Variants in EBF1 observed in about 807,000 individuals in gnomAD.
The protein encoded by EBF1 is transcription factor COE1.
A neutral mutation model predicts 68.4 loss-of-function variants in EBF1; 10 were observed. The observed-to-expected ratio is 0.15, with a 90% CI of 0.09 to 0.25. EBF1 has a LOEUF of 0.25. Among genes scored for constraint, EBF1 ranks in the 10% least tolerant of loss-of-function variants. The pLI is 1.00. For missense variants in EBF1, 509 were observed against 794.4 expected (o/e 0.64, Z 4.32); for synonymous variants, 298 against 299.8 (o/e 0.99, Z 0.06).
chr5:158,773,168 A>C (rs1286778294), intron 10 of EBF1, among the ~76,000 whole-genome samples: 1 of 152,030 alleles, frequency 6.6e-6, no homozygotes, highest in Non-Finnish European at 1.5e-5. Context: ...AGAAAATAAG[A>C]GGGATAGGGA....
At chr5:158,991,947 C>A (rs1341573227) in intron 6 of EBF1, among the ~76,000 whole-genome samples, 2 of 152,114 alleles carry the variant, frequency 1.3e-5, no homozygotes, top group African/African-American at 2.4e-5. Context: ...AGCTGAACGA[C>A]CTTCAGCAAC....
chr5:159,097,455 GA>G, intron 1 of EBF1: 2 of 337,118 alleles, frequency 5.9e-6, no homozygotes, highest in Non-Finnish European at 1.1e-5. Flanking sequence ...TGGGGAGGAA[GA>G]AAAGTGGCGG....
rs542243068 is a variant in EBF1, at chr5:159,095,222, C to T, written c.411+398G>A. On this transcript the variant is annotated intron_variant, in intron 4 of 15. Coordinates refer to ENST00000313708, the MANE Select transcript of EBF1 (RefSeq NM_024007.5). ...TGCCACCCCTCCTCCGCCCCCTCAG[C>T]CCCTCGCCCCTCTGCTTCCCGGGGA... Among the ~76,000 whole-genome samples, 17 of 152,286 alleles carry T rather than the reference C, an allele frequency of 1.1e-4. 1 individual carries two copies. In the South Asian group the frequency reaches 3.5e-3, roughly 32 times the overall value.
At chr5:158,946,601 T>C (rs1386300837) in intron 6 of EBF1, among the ~76,000 whole-genome samples, 1 of 152,150 alleles carries the variant, frequency 6.6e-6, no homozygotes, top group Non-Finnish European at 1.5e-5. Flanking sequence ...GCCAGAGCTC[T>C]CCTGTATGAC....
chr5:158,785,519 C>A (rs1420431957), intron 9 of EBF1, among the ~76,000 whole-genome samples: 1 of 152,128 alleles, frequency 6.6e-6, no homozygotes, highest in Non-Finnish European at 1.5e-5. Context: ...AACACAGATT[C>A]TTTCATTCCC....
intron 6 of EBF1, among the ~76,000 whole-genome samples, chr5:158,876,154 A>T (rs972263487): frequency 1.3e-5 from 2 of 152,158 alleles, no homozygotes; most frequent in African/African-American, 2.4e-5. Flanking sequence ...CAATAATATA[A>T]AATATAATAA....
chr5:159,065,773 A>G (rs1158085307), intron 6 of EBF1, among the ~76,000 whole-genome samples: 1 of 152,002 alleles, frequency 6.6e-6, no homozygotes, highest in Non-Finnish European at 1.5e-5. Flanking sequence ...CTTGATTACT[A>G]TTTTCTGGTT....
At chr5:159,097,251 G>A in intron 1 of EBF1, 121 bp from the exon 2 acceptor site, 2 of 1,197,862 alleles carry the variant, frequency 1.7e-6, no homozygotes, top group Non-Finnish European at 2.3e-6. Flanking sequence ...ACATCCAGTG[G>A]GCGCTCTTCA....
At chr5:158,928,826 C>T (rs1810247988) in intron 6 of EBF1, among the ~76,000 whole-genome samples, 2 of 152,134 alleles carry the variant, frequency 1.3e-5, no homozygotes, top group African/African-American at 4.8e-5. Context: ...ATCCAGGAAG[C>T]CAGTTTATAT....
intron 6 of EBF1, among the ~76,000 whole-genome samples, chr5:159,065,393 A>T (rs527744127): frequency 4.6e-5 from 7 of 152,216 alleles, no homozygotes; most frequent in Non-Finnish European, 7.3e-5. Context: ...GGGGAGCAGC[A>T]CCACATCAAA....
chr5:158,849,133 T>C (rs1792118514), intron 6 of EBF1, among the ~76,000 whole-genome samples: 1 of 152,236 alleles, frequency 6.6e-6, no homozygotes, highest in Non-Finnish European at 1.5e-5. Context: ...AGGAAAACTT[T>C]TGACTCTTAG....
chr5:159,096,030 G>T (rs374234899), intron 3 of EBF1, among the ~76,000 whole-genome samples: 1 of 152,234 alleles, frequency 6.6e-6, no homozygotes, highest in Non-Finnish European at 1.5e-5. Flanking sequence ...TAAGCCCAAG[G>T]GGCCATGGGC....
chr5:158,848,454 C>A (rs1231714213), intron 6 of EBF1, among the ~76,000 whole-genome samples: 2 of 152,148 alleles, frequency 1.3e-5, no homozygotes, highest in East Asian at 3.8e-4. Flanking sequence ...TGCTCCCAAC[C>A]ACTCTCACCC....
At chr5:158,736,654 A>G (rs748690406) in intron 10 of EBF1, among the ~76,000 whole-genome samples, 14 of 152,174 alleles carry the variant, frequency 9.2e-5, no homozygotes, top group Non-Finnish European at 1.9e-4. Context: ...ACTACTCCAT[A>G]TTTGAACTAA....
chr5:158,952,774 A>G (rs1816285683), intron 6 of EBF1, among the ~76,000 whole-genome samples: 1 of 152,194 alleles, frequency 6.6e-6, no homozygotes, highest in South Asian at 2.1e-4. Flanking sequence ...GTGTGCCCTA[A>G]AAGGGAAAAT....
chr5:158,699,009 A>G lies in EBF1; in HGVS notation c.*102T>C, dbSNP rs1258855239. On this transcript the variant is annotated 3_prime_UTR_variant, in exon 16 of 16. Transcript: ENST00000313708. ...ATCTGCAGTTATTGTGATTCCTCTTAAAAAGGCCTGAGTTAAAAGTTCCAC... is the reference window on the plus strand; with the variant it reads ...ATCTGCAGTTATTGTGATTCCTCTTGAAAAGGCCTGAGTTAAAAGTTCCAC... 2.7e-6 allele frequency: 3 copies of G among 1,121,606 alleles called. No homozygotes were observed. In the Admixed American group the frequency reaches 8.0e-5, roughly 30 times the overall value. The allele number at this position is 1,121,606 out of a possible 1,614,324, so 69.5% of individuals were successfully genotyped here. A position where few individuals can be genotyped will look rare whatever the true frequency, so the allele number is the denominator to read the frequency against.
chr5:158,903,417 C>T (rs981455583), intron 6 of EBF1, among the ~76,000 whole-genome samples: 1 of 152,128 alleles, frequency 6.6e-6, no homozygotes, highest in Admixed American at 6.5e-5. Context: ...TCAGCAATGG[C>T]CCCTCTCTTC....
chr5:159,049,048 T>A (rs1218088722), intron 6 of EBF1, among the ~76,000 whole-genome samples: 2 of 152,224 alleles, frequency 1.3e-5, no homozygotes, highest in Non-Finnish European at 2.9e-5. Flanking sequence ...TTCCCCTGCA[T>A]TCGTCAGGAT....
intron 6 of EBF1, among the ~76,000 whole-genome samples, chr5:158,963,698 C>T (rs1753527881): frequency 6.6e-6 from 1 of 152,142 alleles, no homozygotes; most frequent in Non-Finnish European, 1.5e-5. Context: ...AACATTTAAA[C>T]ATGACATAAA....
Sources: allele counts gnomAD v4.1 joint callset (sites outside exome capture counted in the v4.1 genomes callset), GRCh38; gene constraint gnomAD v4.1.1; transcripts MANE v1.5; gene names NCBI Gene and HGNC (gene_info 2026-07-23, HGNC 2026-07-21).